Variants in GMCL1 observed in about 807,000 individuals in gnomAD.
The protein encoded by GMCL1 is germ cell-less protein-like 1.
Under a neutral mutation model 75.5 loss-of-function variants are expected in GMCL1, and 54 were observed. The observed-to-expected ratio is 0.71, with a 90% CI of 0.57 to 0.90. The LOEUF (loss-of-function observed/expected upper bound fraction) is 0.90. Among genes scored for constraint, GMCL1 ranks in the 40% least tolerant of loss-of-function variants. The probability of loss-of-function intolerance (pLI) is 0.00; values close to 1 mark genes in which losing one functional copy is unlikely to be tolerated. For synonymous variants in GMCL1, 210 were observed against 209.6 expected, an observed-to-expected ratio of 1.00 and a Z score of -0.02; for missense variants, 537 against 622.7, an observed-to-expected ratio of 0.86 and a Z score of 1.47.
chr2:69,832,151 G>T (rs1390758422), intron 1 of GMCL1, among the ~76,000 whole-genome samples: 1 of 151,842 alleles, frequency 6.6e-6, no homozygotes, highest in Non-Finnish European at 1.5e-5. Context: ...AACCTGGGAG[G>T]CGAGGTTGCA....
intron 13 of GMCL1, among the ~76,000 whole-genome samples, chr2:69,874,971 C>G (rs1334113356): frequency 1.3e-5 from 2 of 152,014 alleles, no homozygotes; most frequent in Non-Finnish European, 2.9e-5. Context: ...TCTGGAATTC[C>G]TAGGCTCAAG....
Position 69,830,059 on chromosome 2 carries a change from G to A in GMCL1, c.167G>A (p.Ser56Asn). ...CAGSHKRKRS[S>N]GSFCYCHPDS... ...GGCAGCCACAAGCGCAAGCGGAGCA[G>A]CGGGTCCTTCTGCTACTGTCACCCT... The change falls in exon 1 of 14, where the codon AGC (serine) becomes AAC (asparagine). Residue 56 changes from serine to asparagine, a missense_variant. Around this residue, in one of 3 missense-constraint regions of GMCL1, gnomAD observed 144 missense variants for 127.2 expected, o/e 1.13. Transcript: ENST00000282570. 3 of 1,569,518 alleles carry A rather than the reference G, an allele frequency of 1.9e-6. No individual in the cohort carries two copies. The highest frequency in any genetic ancestry group is 2.6e-6 in the Non-Finnish European group (3 of 1,156,678).
intron 9 of GMCL1, among the ~76,000 whole-genome samples, chr2:69,856,107 C>T (rs904350707): frequency 6.6e-6 from 1 of 152,026 alleles, no homozygotes. Context: ...TCATTGTTAC[C>T]GTATCTTACA....
Position 69,878,760 on chromosome 2 carries a change from G to A in GMCL1, c.1453-149G>A, listed in dbSNP as rs1031360221. 6 of 676,562 alleles carry A rather than the reference G, an allele frequency of 8.9e-6. No homozygotes were observed. The African/African-American group carries it at 1.1e-4, about 12-fold the overall frequency. The allele number at this position is 676,562 out of a possible 1,614,324, so 41.9% of individuals were successfully genotyped here. A position where few individuals can be genotyped will look rare whatever the true frequency, so the allele number is the denominator to read the frequency against. On this transcript the variant is annotated intron_variant, in intron 13 of 13. Coordinates refer to ENST00000282570, the MANE Select transcript of GMCL1 (RefSeq NM_178439.5). Reference sequence around the variant, plus strand: ...CAGTGAGGAAGCTGCATTTGACAAGGTCACACAGCTAATGGGTGGGAGTTT... The same window carrying A: ...CAGTGAGGAAGCTGCATTTGACAAGATCACACAGCTAATGGGTGGGAGTTT...
intron 13 of GMCL1, among the ~76,000 whole-genome samples, chr2:69,872,852 C>G (rs757387040): frequency 7.9e-5 from 12 of 152,212 alleles, no homozygotes; most frequent in Non-Finnish European, 1.8e-4. Flanking sequence ...ATGAAAAATA[C>G]TGTCATGGCT....
At chr2:69,871,598 A>G (rs1426031059) in intron 12 of GMCL1, 147 bp from the exon 13 acceptor site, 4 of 533,894 alleles carry the variant, frequency 7.5e-6, no homozygotes, top group East Asian at 3.0e-5. Flanking sequence ...CACTGAATGC[A>G]GTCAGATTAC....
intron 6 of GMCL1, among the ~76,000 whole-genome samples, chr2:69,846,581 T>A (rs962571705): frequency 5.3e-5 from 8 of 152,158 alleles, no homozygotes; most frequent in Non-Finnish European, 1.2e-4. Context: ...CTGAACTTTT[T>A]GAAAAAGGAG....
intron 9 of GMCL1, among the ~76,000 whole-genome samples, chr2:69,857,900 G>A (rs1219104710): frequency 6.6e-6 from 1 of 152,068 alleles, no homozygotes; most frequent in East Asian, 1.9e-4. Context: ...AAAAATACTG[G>A]GCAAATTAGG....
At chr2:69,851,567 G>A (rs907479892) in intron 8 of GMCL1, among the ~76,000 whole-genome samples, 6 of 152,132 alleles carry the variant, frequency 3.9e-5, no homozygotes, top group South Asian at 2.1e-4. Context: ...CCGAGATTGC[G>A]CCATTGCACT....
intron 12 of GMCL1, 79 bp downstream of exon 12, chr2:69,869,943 A>C (rs946269150): frequency 7.1e-7 from 1 of 1,417,462 alleles, no homozygotes; most frequent in Non-Finnish European, 9.6e-7. Context: ...ATTTACACCA[A>C]CATTAGTAGA....
chr2:69,831,797 TCTCA>T (rs1369456991), intron 1 of GMCL1, among the ~76,000 whole-genome samples: 1 of 151,996 alleles, frequency 6.6e-6, no homozygotes, highest in Non-Finnish European at 1.5e-5. Context: ...AGAAACAAGG[TCTCA>T]CTCTGTTGCC....
Position 69,859,742 on chromosome 2 carries a change from T to TA in GMCL1, c.1073-1520dup, listed in dbSNP as rs1207817401. The stretch of plus-strand genomic sequence containing the variant: ...GAGTGAGACCGTGTCTCTCTCTCTC[T>TA]AAAAAAAAAAAAAAAAGTATATATG... On this transcript the variant is annotated intron_variant, in intron 9 of 13. Coordinates refer to ENST00000282570, the MANE Select transcript of GMCL1 (RefSeq NM_178439.5). Among the ~76,000 whole-genome samples, 594 of 79,090 alleles carry TA rather than the reference T, an allele frequency of 7.5e-3. 38 individuals are homozygous for TA. The highest frequency in any genetic ancestry group is 0.036 in the South Asian group (79 of 2,188). 51.9% of individuals were successfully genotyped at this position (79,090 alleles called of 152,430 possible).
Position 69,829,954 on chromosome 2 carries a change from AGGGT to A in GMCL1, c.64_67del (p.Gly22ProfsTer68). ...AGACCAGCCCTTGCCCAGCAGGCGC[AGGGT>A]GCCAGGGCGGGGGGCTCGGCCCGGA... On this transcript the variant is annotated frameshift_variant, in exon 1 of 14. Transcript: ENST00000282570. LOFTEE classifies it high-confidence loss of function. The A allele has an allele frequency of 6.3e-7, 1 of 1,594,142 alleles. No individual in the cohort carries two copies. Among genetic ancestry groups the A allele is most frequent in the Non-Finnish European group, 8.5e-7 (1 of 1,170,268 alleles).
intron 1 of GMCL1, among the ~76,000 whole-genome samples, chr2:69,836,860 C>T (rs570405737): frequency 1.3e-5 from 2 of 152,252 alleles, no homozygotes; most frequent in African/African-American, 2.4e-5. Context: ...AGATGGGATG[C>T]TCACAGTTCA....
chr2:69,855,471 A>G (rs1476028090), intron 9 of GMCL1, among the ~76,000 whole-genome samples: 1 of 152,014 alleles, frequency 6.6e-6, no homozygotes, highest in African/African-American at 2.4e-5. Context: ...TCTATTTAGT[A>G]CTATATATAC....
intron 10 of GMCL1, among the ~76,000 whole-genome samples, chr2:69,862,223 A>G (rs901468272): frequency 1.1e-4 from 17 of 152,144 alleles, no homozygotes; most frequent in Non-Finnish European, 1.8e-4. Context: ...GAGTGTACAG[A>G]AAGACCTTCA....
At position 69,880,485 on chromosome 2, in the gene GMCL1, C is replaced by G. The variant is rs1235481176; in HGVS notation, c.*1481C>G. Reference sequence around the variant, plus strand: ...CCTTTTAAATGCCTCACCCTTGACCCTCAGAGCTGGAATTTAAATGTTTCT... The same window carrying G: ...CCTTTTAAATGCCTCACCCTTGACCGTCAGAGCTGGAATTTAAATGTTTCT... On this transcript the variant is annotated 3_prime_UTR_variant, in exon 14 of 14. Transcript: ENST00000282570. The G allele has an allele frequency of 6.6e-6, 1 of 152,220 alleles. No homozygotes were observed. The highest frequency in any genetic ancestry group is 1.5e-5 in the Non-Finnish European group (1 of 68,018). 9.4% of individuals were successfully genotyped at this position (152,220 alleles called of 1,614,324 possible). A position where few individuals can be genotyped will look rare whatever the true frequency, so the allele number is the denominator to read the frequency against.
chr2:69,837,890 C>T (rs923259687), intron 2 of GMCL1, among the ~76,000 whole-genome samples: 2 of 152,092 alleles, frequency 1.3e-5, no homozygotes, highest in African/African-American at 4.8e-5. Flanking sequence ...CCTAATACTA[C>T]GTATTTGTCA....
intron 11 of GMCL1, among the ~76,000 whole-genome samples, chr2:69,867,904 C>T (rs1675867428): frequency 6.6e-6 from 1 of 152,208 alleles, no homozygotes; most frequent in Non-Finnish European, 1.5e-5. Context: ...AATGCTCCCA[C>T]CCTTATTCTT....
Sources: gnomAD v4.1 joint callset for allele counts (sites outside exome capture counted in the v4.1 genomes callset) on GRCh38, gnomAD v4.1.1 for gene constraint, gnomAD v4.1.1 regional missense constraint, MANE v1.5 for transcripts, NCBI Gene and HGNC (gene_info 2026-07-23, HGNC 2026-07-21) for gene names.